SGCG: variants seen among roughly 807,000 people sequenced by gnomAD.
The protein encoded by SGCG is gamma-sarcoglycan.
In SGCG, 26 loss-of-function variants were observed where a neutral mutation model predicts 29.3. That is an observed-to-expected ratio of 0.89 (90% CI 0.65 to 1.23). The LOEUF is 1.23. Ranked by LOEUF, SGCG falls within the 50% of genes most tolerant of loss-of-function variation. The probability of loss-of-function intolerance (pLI) is 0.00; values close to 1 mark genes in which losing one functional copy is unlikely to be tolerated. For synonymous variants in SGCG, 145 were observed against 129.7 expected (o/e 1.12, Z -0.80); for missense variants, 353 against 356.0 (o/e 0.99, Z 0.07).
chr13:23,196,851 C>T (rs9580561), intron 1 of SGCG, among the ~76,000 whole-genome samples: 69,955 of 151,912 alleles, frequency 0.46, 16,272 homozygotes, highest in Admixed American at 0.51. Flanking sequence ...ATTACTGCCA[C>T]TAATTAACGT....
intron 1 of SGCG, among the ~76,000 whole-genome samples, chr13:23,192,540 CCT>C (rs1158913744): frequency 1.3e-5 from 2 of 151,672 alleles, no homozygotes; most frequent in African/African-American, 4.8e-5. Flanking sequence ...ATTACAGGCG[CCT>C]GCCACCACGC....
At chr13:23,323,709 A>G (rs1309300641) in intron 7 of SGCG, among the ~76,000 whole-genome samples, 1 of 152,208 alleles carries the variant, frequency 6.6e-6, no homozygotes, top group African/African-American at 2.4e-5. Flanking sequence ...CTGCGTGTCT[A>G]CTGCTTTTCA....
intron 5 of SGCG, among the ~76,000 whole-genome samples, chr13:23,279,730 C>CT (rs949246947): frequency 8.0e-5 from 12 of 149,604 alleles, no homozygotes; most frequent in East Asian, 5.9e-4. Context: ...TCCCTTCCTT[C>CT]TTTTTTTTTT....
intron 2 of SGCG, among the ~76,000 whole-genome samples, chr13:23,227,489 A>T (rs1441070640): frequency 5.3e-5 from 8 of 152,184 alleles, no homozygotes; most frequent in Admixed American, 3.9e-4. Context: ...TACAAACTGT[A>T]TGTAAAAGTC....
chr13:23,300,744 G>A (rs1041668180), intron 6 of SGCG, among the ~76,000 whole-genome samples: 2 of 141,650 alleles, frequency 1.4e-5, no homozygotes, highest in Admixed American at 7.3e-5. Flanking sequence ...CATTGAAGAA[G>A]TTATCCCATC....
chr13:23,306,900 C>A (rs144115601), intron 6 of SGCG, among the ~76,000 whole-genome samples: 1 of 152,320 alleles, frequency 6.6e-6, no homozygotes, highest in East Asian at 1.9e-4. Flanking sequence ...CTGATGACAT[C>A]TTGGGCTCCT....
At chr13:23,176,500 A>T (rs1361000), upstream of SGCG, among the ~76,000 whole-genome samples, 25,011 of 152,004 alleles carry the variant, frequency 0.16, 2,479 homozygotes, top group African/African-American at 0.28. Flanking sequence ...TGACCATTTT[A>T]ATCTTTTTTT....
intron 6 of SGCG, among the ~76,000 whole-genome samples, chr13:23,306,732 T>C (rs1882374352): frequency 6.6e-6 from 1 of 152,210 alleles, no homozygotes; most frequent in African/African-American, 2.4e-5. Flanking sequence ...TGGTGTGGCT[T>C]ATTTTCCTTA....
At chr13:23,291,313 A>T (rs1370317884) in intron 5 of SGCG, among the ~76,000 whole-genome samples, 1 of 151,866 alleles carries the variant, frequency 6.6e-6, no homozygotes, top group African/African-American at 2.4e-5. Flanking sequence ...ATTTTAGATT[A>T]TATGACTTCA....
chr13:23,320,166 C>CT (rs1290820956), intron 6 of SGCG, among the ~76,000 whole-genome samples: 1 of 152,126 alleles, frequency 6.6e-6, no homozygotes, highest in Non-Finnish European at 1.5e-5. Context: ...AAAAACAAGC[C>CT]TGCCACAGCT....
chr13:23,175,186 A>T, the SGCG span, among the ~76,000 whole-genome samples: 11 of 152,204 alleles, frequency 7.2e-5, no homozygotes, highest in African/African-American at 2.7e-4. Context: ...TGGATAGATC[A>T]TGTCTGGAGT....
At chr13:23,181,704 C>T (rs900345294) in intron 1 of SGCG, among the ~76,000 whole-genome samples, 1 of 152,132 alleles carries the variant, frequency 6.6e-6, no homozygotes, top group Non-Finnish European at 1.5e-5. Context: ...GGTAAAAGTA[C>T]ACATGTGCTA....
chr13:23,272,735 A>T (rs945047631), intron 4 of SGCG, among the ~76,000 whole-genome samples: 3 of 152,180 alleles, frequency 2.0e-5, no homozygotes, highest in Non-Finnish European at 4.4e-5. Flanking sequence ...TTGTGACACC[A>T]TCTGTGCTTG....
chr13:23,238,043 T>A (rs963765373), intron 3 of SGCG, among the ~76,000 whole-genome samples: 10 of 151,346 alleles, frequency 6.6e-5, no homozygotes, highest in African/African-American at 1.2e-4. Context: ...AAAAAAAAAA[T>A]ATATGAAACA....
rs1187802822 is a variant in SGCG, at chr13:23,314,185, T to G, written c.579-6452T>G. ...TATAGAGTTTTGAACAGTATATATA[T>G]ATATAGAGAGAGAGAGAGAGAGTTT... On this transcript the variant is annotated intron_variant, in intron 6 of 7. Coordinates refer to ENST00000218867, the MANE Select transcript of SGCG (RefSeq NM_000231.3). Among the ~76,000 whole-genome samples, 657 of 146,392 alleles carry G rather than the reference T, an allele frequency of 4.5e-3. 6 individuals carry two copies. Among genetic ancestry groups the G allele is most frequent in the African/African-American group, 0.015 (621 of 40,314 alleles).
chr13:23,169,073 G>A, the SGCG span, among the ~76,000 whole-genome samples: 4 of 151,256 alleles, frequency 2.6e-5, no homozygotes, highest in East Asian at 7.7e-4. Flanking sequence ...TTTAAATTTA[G>A]AACTGTCATC....
chr13:23,164,296 CTG>C, the SGCG span, among the ~76,000 whole-genome samples: 1 of 152,304 alleles, frequency 6.6e-6, no homozygotes, highest in African/African-American at 2.4e-5. Context: ...ACCATTACCT[CTG>C]TCTTCGAGCA....
At chr13:23,301,796 TAGA>T (rs1293889265) in intron 6 of SGCG, among the ~76,000 whole-genome samples, 3 of 151,498 alleles carry the variant, frequency 2.0e-5, no homozygotes, top group Non-Finnish European at 2.9e-5. Flanking sequence ...GAGGCTGAGG[TAGA>T]AGAATTCGCT....
At chr13:23,165,241 AT>A in the SGCG span, among the ~76,000 whole-genome samples, 4 of 152,240 alleles carry the variant, frequency 2.6e-5, no homozygotes, top group African/African-American at 9.6e-5. Flanking sequence ...TTATTTCATC[AT>A]AATGTTAAAA....
Sources: allele counts gnomAD v4.1 joint callset (sites outside exome capture counted in the v4.1 genomes callset), GRCh38; gene constraint gnomAD v4.1.1; transcripts MANE v1.5; gene names NCBI Gene and HGNC (gene_info 2026-07-23, HGNC 2026-07-21).